Variants in MAML2 observed in about 807,000 individuals in gnomAD.
MAML2 encodes mastermind-like protein 2.
MAML2 carries 22 observed loss-of-function variants against 96.1 expected under a neutral mutation model. The ratio of observed to expected loss-of-function variants is 0.23; its 90% CI spans 0.16 to 0.33. The LOEUF is 0.33. Ranked by LOEUF, MAML2 falls within the 10% of genes least tolerant of loss-of-function variation. The pLI is 1.00. For synonymous variants in MAML2, 561 were observed against 521.3 expected (o/e 1.08, Z -1.04); for missense variants, 1,367 against 1,392.4 (o/e 0.98, Z 0.29).
chr11:95,992,476 C>T (rs1662866461), intron 2 of MAML2, among the ~76,000 whole-genome samples: 1 of 152,128 alleles, frequency 6.6e-6, no homozygotes, highest in Non-Finnish European at 1.5e-5. Context: ...CAGGACTCTG[C>T]AAGACAGTAA....
Position 96,342,755 on chromosome 11 carries a change from A to G in MAML2, c.-860T>C, listed in dbSNP as rs1864017359. ...GGTTTCCTAGCCTTAAATGAAAAGCAATCTTAAGTCGCTAGCCACTGAGAG... is the reference window on the plus strand; with the variant it reads ...GGTTTCCTAGCCTTAAATGAAAAGCGATCTTAAGTCGCTAGCCACTGAGAG... On this transcript the variant is annotated 5_prime_UTR_variant, in exon 1 of 5. Transcript: ENST00000524717. 3.1e-6 allele frequency: 1 copy of G among 317,546 alleles called. No individual in the cohort carries two copies. The highest frequency in any genetic ancestry group is 5.7e-6 in the Non-Finnish European group (1 of 175,068). 19.7% of individuals were successfully genotyped at this position (317,546 alleles called of 1,614,324 possible).
intron 1 of MAML2, among the ~76,000 whole-genome samples, chr11:96,181,623 A>G (rs1041493525): frequency 6.6e-5 from 10 of 152,190 alleles, no homozygotes; most frequent in African/African-American, 2.4e-4. Context: ...CTTTTGGCCA[A>G]GTGTCAAGGA....
At chr11:96,108,338 C>A (rs1393843179) in intron 1 of MAML2, among the ~76,000 whole-genome samples, 2 of 152,166 alleles carry the variant, frequency 1.3e-5, no homozygotes, top group African/African-American at 4.8e-5. Context: ...TAATAGTCAG[C>A]TATTATTTTT....
intron 2 of MAML2, among the ~76,000 whole-genome samples, chr11:96,043,968 T>C (rs1434068690): frequency 1.3e-5 from 2 of 152,218 alleles, no homozygotes; most frequent in Non-Finnish European, 2.9e-5. Flanking sequence ...TAATCATCTA[T>C]GTCAATCAGG....
At chr11:96,110,940 C>A (rs1384292942) in intron 1 of MAML2, among the ~76,000 whole-genome samples, 1 of 152,202 alleles carries the variant, frequency 6.6e-6, no homozygotes, top group Admixed American at 6.5e-5. Flanking sequence ...TTTGACCAGA[C>A]AGTTTCATGC....
At chr11:96,234,500 TAAA>T (rs1862340317) in intron 1 of MAML2, among the ~76,000 whole-genome samples, 1 of 152,056 alleles carries the variant, frequency 6.6e-6, no homozygotes, top group Non-Finnish European at 1.5e-5. Context: ...AATAAATAAA[TAAA>T]CACATACATA....
intron 1 of MAML2, among the ~76,000 whole-genome samples, chr11:96,122,207 A>C (rs767722230): frequency 2.0e-5 from 3 of 152,094 alleles, no homozygotes; most frequent in Non-Finnish European, 4.4e-5. Context: ...TTCTCCAGCC[A>C]TGTAGATACA....
chr11:96,303,786 C>T (rs181912446), intron 1 of MAML2, among the ~76,000 whole-genome samples: 50 of 152,282 alleles, frequency 3.3e-4, no homozygotes, highest in East Asian at 5.8e-4. Flanking sequence ...CTACACCTGG[C>T]GCCCACAAAA....
chr11:96,323,375 G>A (rs1168702117), intron 1 of MAML2, among the ~76,000 whole-genome samples: 1 of 151,584 alleles, frequency 6.6e-6, no homozygotes, highest in Non-Finnish European at 1.5e-5. Context: ...ATTCACCACA[G>A]TAATGGTATC....
intron 1 of MAML2, among the ~76,000 whole-genome samples, chr11:96,262,295 A>G (rs1862760373): frequency 6.6e-6 from 1 of 152,196 alleles, no homozygotes; most frequent in African/African-American, 2.4e-5. Context: ...AAGGTCATTT[A>G]TAACATTCTC....
At chr11:96,212,583 C>T (rs564325702) in intron 1 of MAML2, among the ~76,000 whole-genome samples, 113 of 152,294 alleles carry the variant, frequency 7.4e-4, no homozygotes, top group Non-Finnish European at 1.4e-3. Flanking sequence ...GGGTGAGCCT[C>T]CTCTCAAGAG....
At chr11:96,145,730 G>A (rs1333131685) in intron 1 of MAML2, among the ~76,000 whole-genome samples, 5 of 152,146 alleles carry the variant, frequency 3.3e-5, no homozygotes, top group Non-Finnish European at 1.5e-5. Context: ...ATACTTGTTC[G>A]GGCGTGGTGG....
intron 1 of MAML2, among the ~76,000 whole-genome samples, chr11:96,143,565 C>G (rs750455304): frequency 1.3e-5 from 2 of 152,082 alleles, no homozygotes; most frequent in Non-Finnish European, 2.9e-5. Flanking sequence ...CACTTTGGTC[C>G]GTGGGTTTCT....
At chr11:96,277,394 C>T (rs930380402) in intron 1 of MAML2, among the ~76,000 whole-genome samples, 1 of 152,072 alleles carries the variant, frequency 6.6e-6, no homozygotes, top group Non-Finnish European at 1.5e-5. Context: ...TCTTCTCTTC[C>T]ATTACTTTGA....
intron 1 of MAML2, among the ~76,000 whole-genome samples, chr11:96,302,174 T>C (rs2135998948): frequency 6.6e-6 from 1 of 152,372 alleles, no homozygotes; most frequent in African/African-American, 2.4e-5. Flanking sequence ...GTTTTCATGC[T>C]ATGCCATCAC....
intron 1 of MAML2, among the ~76,000 whole-genome samples, chr11:96,104,975 C>T (rs1859999399): frequency 6.6e-6 from 1 of 152,152 alleles, no homozygotes; most frequent in South Asian, 2.1e-4. Context: ...TCCCAATTTT[C>T]TTTTTTGCTT....
intron 1 of MAML2, among the ~76,000 whole-genome samples, chr11:96,170,822 C>A (rs1861280327): frequency 6.6e-6 from 1 of 152,208 alleles, no homozygotes; most frequent in African/African-American, 2.4e-5. Context: ...TCACGCCATT[C>A]TCCTGCCTCA....
rs760811590 is a variant in MAML2 at position 96,159,407 on chromosome 11, C to CTTTTTTTTTTTTTTTTT, written c.514-65907_514-65891dup. Among the ~76,000 whole-genome samples the CTTTTTTTTTTTTTTTTT allele has an allele frequency of 8.4e-4, 77 of 91,136 alleles. 12 individuals carry two copies. The highest frequency in any genetic ancestry group is 1.8e-3 in the African/African-American group (40 of 22,700). The allele number at this position is 91,136 out of a possible 152,430, so 59.8% of individuals were successfully genotyped here. A position where few individuals can be genotyped will look rare whatever the true frequency, so the allele number is the denominator to read the frequency against. ...TAACCGTGCCTCTAAACCACTGATT[C>CTTTTTTTTTTTTTTTTT]TTTTTTTTTTTTTTTTTTTTTTTGA... On this transcript the variant is annotated intron_variant, in intron 1 of 4. Coordinates refer to ENST00000524717, the MANE Select transcript of MAML2 (RefSeq NM_032427.4).
chr11:96,281,076 C>T (rs1324027747), intron 1 of MAML2, among the ~76,000 whole-genome samples: 1 of 152,134 alleles, frequency 6.6e-6, no homozygotes, highest in African/African-American at 2.4e-5. Flanking sequence ...GCATTATTTG[C>T]AAGTTTTCAA....
Sources: gnomAD v4.1 joint callset for allele counts (sites outside exome capture counted in the v4.1 genomes callset) on GRCh38, gnomAD v4.1.1 for gene constraint, MANE v1.5 for transcripts, NCBI Gene and HGNC (gene_info 2026-07-23, HGNC 2026-07-21) for gene names.